AMPH: variants seen among roughly 807,000 people sequenced by gnomAD.
AMPH encodes the protein amphiphysin (Stiff-Mann syndrome with breast cancer 128kD autoantigen).
In AMPH, 49 loss-of-function variants were observed where a neutral mutation model predicts 99.1. The ratio of observed to expected loss-of-function variants is 0.49; its 90% CI spans 0.39 to 0.63. The LOEUF (loss-of-function observed/expected upper bound fraction) is 0.63. Among genes scored for constraint, AMPH ranks in the 20% least tolerant of loss-of-function variants. The probability of loss-of-function intolerance (pLI) is 0.00; values close to 1 mark genes in which losing one functional copy is unlikely to be tolerated. For synonymous variants in AMPH, 314 were observed against 317.3 expected, an observed-to-expected ratio of 0.99 and a Z score of 0.11; for missense variants, 759 against 863.4, an observed-to-expected ratio of 0.88 and a Z score of 1.52.
chr7:38,441,541 C>G (rs1015036787), intron 11 of AMPH, among the ~76,000 whole-genome samples: 6 of 151,628 alleles, frequency 4.0e-5, no homozygotes, highest in African/African-American at 1.5e-4. Context: ...CAAAAACAAA[C>G]AAACAAATGA....
At chr7:38,452,155 C>T (rs746714133) in intron 11 of AMPH, among the ~76,000 whole-genome samples, 2 of 151,882 alleles carry the variant, frequency 1.3e-5, no homozygotes, top group South Asian at 2.1e-4. Flanking sequence ...TCAGTCATTA[C>T]ATTTTGAGCT....
chr7:38,431,995 T>C, intron 13 of AMPH, 194 bp downstream of exon 13: 1 of 689,058 alleles, frequency 1.5e-6, no homozygotes, highest in Admixed American at 2.1e-5. Context: ...TGGTCCACTG[T>C]ACTCTTCCTT....
Position 38,436,288 on chromosome 7 carries a change from T to A in AMPH, c.1118A>T (p.His373Leu). 6.2e-7 allele frequency: 1 copy of A among 1,613,924 alleles called. No homozygotes were observed. The highest frequency in any genetic ancestry group is 8.5e-7 in the Non-Finnish European group (1 of 1,179,832). Residue 373 changes from histidine to leucine, a missense_variant, in exon 12 of 21, where the codon CAC becomes CTC. Physicochemically the swap from His to Leu is moderately conservative, Grantham distance 99 (BLOSUM62 -3). This residue lies in a region of AMPH where 554 missense variants were observed against 575.6 expected (regional missense o/e 0.96). Transcript: ENST00000356264. The part of the protein sequence containing the change: ...VTPAGSAGVT[H>L]SPMSQTLPWD... ...ACCTGATACCTGAGACATGGGTGAG[T>A]GGGTCACTCCAGCAGAACCTGCAGG... is the stretch of plus-strand genomic sequence containing the variant.
At chr7:38,520,270 T>C (rs6958443) in intron 2 of AMPH, among the ~76,000 whole-genome samples, 148,762 of 152,344 alleles carry the variant, frequency 0.98, 72,654 homozygotes, top group East Asian at 1. Context: ...CTCTCCCTAG[T>C]CATAGTATAT....
At chr7:38,536,118 A>G (rs1225203590) in intron 1 of AMPH, among the ~76,000 whole-genome samples, 2 of 152,222 alleles carry the variant, frequency 1.3e-5, no homozygotes, top group Admixed American at 6.5e-5. Flanking sequence ...TAAAAAATGT[A>G]TATTTTAGCG....
intron 3 of AMPH, among the ~76,000 whole-genome samples, chr7:38,498,745 G>A (rs1000759212): frequency 1.3e-5 from 2 of 152,094 alleles, no homozygotes; most frequent in African/African-American, 4.8e-5. Flanking sequence ...TCTGATCATG[G>A]GACGTTTTCC....
chr7:38,552,836 A>G (rs951916180), intron 1 of AMPH, among the ~76,000 whole-genome samples: 1 of 152,150 alleles, frequency 6.6e-6, no homozygotes, highest in Non-Finnish European at 1.5e-5. Context: ...TCGCTCTTTC[A>G]TGATGCAAGT....
intron 11 of AMPH, among the ~76,000 whole-genome samples, chr7:38,444,101 C>T (rs751595068): frequency 6.6e-6 from 1 of 152,096 alleles, no homozygotes; most frequent in Non-Finnish European, 1.5e-5. Context: ...ATATAAAATA[C>T]TTATGGATAA....
chr7:38,586,086 C>A (rs1315627013), intron 1 of AMPH, among the ~76,000 whole-genome samples: 2 of 152,184 alleles, frequency 1.3e-5, no homozygotes, highest in Non-Finnish European at 2.9e-5. Flanking sequence ...AAGATGGCCA[C>A]ATGAAGTCCA....
At chr7:38,433,277 G>C (rs1786110886) in intron 12 of AMPH, among the ~76,000 whole-genome samples, 1 of 152,214 alleles carries the variant, frequency 6.6e-6, no homozygotes, top group Non-Finnish European at 1.5e-5. Context: ...TCTCCATGCA[G>C]CCTGCCTGGT....
chr7:38,486,995 C>T (rs1002241978), intron 5 of AMPH, among the ~76,000 whole-genome samples: 2 of 152,064 alleles, frequency 1.3e-5, no homozygotes, highest in Admixed American at 1.3e-4. Context: ...AAAGTGAAAG[C>T]TTTCCACTGA....
At chr7:38,438,812 A>G (rs1786391516) in intron 11 of AMPH, among the ~76,000 whole-genome samples, 2 of 152,234 alleles carry the variant, frequency 1.3e-5, no homozygotes, top group East Asian at 3.8e-4. Flanking sequence ...GATTACCATG[A>G]GTAGTAAAGA....
intron 14 of AMPH, chr7:38,429,246 T>C: frequency 7.8e-7 from 1 of 1,287,162 alleles, no homozygotes; most frequent in Non-Finnish European, 1.0e-6. Flanking sequence ...AACTCCAGCC[T>C]CCGGCGCAGG....
chr7:38,422,040 G>A (rs1190830256), intron 16 of AMPH, among the ~76,000 whole-genome samples: 3 of 152,178 alleles, frequency 2.0e-5, no homozygotes, highest in Non-Finnish European at 1.5e-5. Flanking sequence ...GATGATAAAT[G>A]GGGTAGTTTC....
At chr7:38,418,625 C>G (rs1785475408) in intron 16 of AMPH, among the ~76,000 whole-genome samples, 1 of 152,196 alleles carries the variant, frequency 6.6e-6, no homozygotes. Flanking sequence ...ACTTTACTGC[C>G]TTGTTGTAAA....
At chr7:38,476,827 C>G in intron 6 of AMPH, 35 bp downstream of exon 6, 1 of 1,490,284 alleles carries the variant, frequency 6.7e-7, no homozygotes, top group Non-Finnish European at 9.4e-7. Flanking sequence ...TCATAAAATA[C>G]GGAGAGTGGT....
At chr7:38,428,417 A>G (rs1462235167) in intron 14 of AMPH, 2 of 456,582 alleles carry the variant, frequency 4.4e-6, no homozygotes, top group Admixed American at 4.7e-5. Flanking sequence ...TTCCCAGAGA[A>G]TAATTAAGGT....
At chr7:38,386,961 G>A (rs1391761718) in intron 20 of AMPH, among the ~76,000 whole-genome samples, 1 of 152,098 alleles carries the variant, frequency 6.6e-6, no homozygotes, top group Admixed American at 6.5e-5. Flanking sequence ...CACTCAGGGG[G>A]GTTATCTTGA....
intron 1 of AMPH, among the ~76,000 whole-genome samples, chr7:38,560,965 A>G (rs1791534097): frequency 6.6e-6 from 1 of 152,242 alleles, no homozygotes; most frequent in Non-Finnish European, 1.5e-5. Context: ...AACTTGGGCT[A>G]TCAGGAAACT....
Sources: allele counts gnomAD v4.1 joint callset (sites outside exome capture counted in the v4.1 genomes callset), GRCh38; gene constraint gnomAD v4.1.1; regional missense constraint gnomAD v4.1.1; transcripts MANE v1.5; gene names NCBI Gene and HGNC (gene_info 2026-07-23, HGNC 2026-07-21).